Variants in C20orf96 observed in about 807,000 individuals in gnomAD.
C20orf96 encodes chromosome 20 open reading frame 96.
A neutral mutation model predicts 52.6 loss-of-function variants in C20orf96; 57 were observed. That is an observed-to-expected ratio of 1.08 (90% CI 0.88 to 1.35). C20orf96 has a LOEUF of 1.35. C20orf96 is among the 40% of genes most tolerant of loss of function. C20orf96 has a pLI of 0.00. For synonymous variants in C20orf96, 168 were observed against 157.2 expected, an observed-to-expected ratio of 1.07 and a Z score of -0.51; for missense variants, 478 against 443.6, an observed-to-expected ratio of 1.08 and a Z score of -0.70.
rs1461069172 is a variant in C20orf96 at position 274,906 on chromosome 20, G to A, written c.1031+1062C>T. Among the ~76,000 whole-genome samples the A allele has an allele frequency of 4.6e-5, 7 of 151,822 alleles. No individual in the cohort carries two copies. The South Asian group carries it at 1.2e-3, about 27-fold the overall frequency. On this transcript the variant is annotated intron_variant, in intron 10 of 10. Transcript: ENST00000360321. ...ACAATCTCGGCTGACCGCAACCTCC[G>A]CCTTCCAGGTTCAAGCAATTCTCTG...
chr20:271,059 GAGGGAAAGAAAGAGGGAGGA>G lies in C20orf96; in HGVS notation c.*128_*147del. The G allele has an allele frequency of 1.7e-6, 1 of 592,096 alleles. No individual in the cohort carries two copies. Among genetic ancestry groups the G allele is most frequent in the South Asian group, 2.0e-5 (1 of 50,270 alleles). The allele number at this position is 592,096 out of a possible 1,614,324, so 36.7% of individuals were successfully genotyped here. On this transcript the variant is annotated 3_prime_UTR_variant, in exon 11 of 11. Transcript: ENST00000360321. ...GGGGGGAAGAAGGGAGGGAGGGAGGGAGGGAAAGAAAGAGGGAGGAAGGGCAGAGGGAGCAGGGAGACTGT... is the reference window on the plus strand; with the variant it reads ...GGGGGGAAGAAGGGAGGGAGGGAGGGAGGGCAGAGGGAGCAGGGAGACTGT...
At position 270,966 on chromosome 20, in the gene C20orf96, G is replaced by GA. The variant is rs1301134460; in HGVS notation, c.*240dup. On this transcript the variant is annotated 3_prime_UTR_variant, in exon 11 of 11. Coordinates refer to ENST00000360321, the MANE Select transcript of C20orf96 (RefSeq NM_153269.3). The stretch of plus-strand genomic sequence containing the variant: ...AACCAGAAAGAAGGGAAGAAGAGAG[G>GA]AAAAAACCACAGGAAGAAAGAAAGG... The GA allele has an allele frequency of 4.2e-5, 21 of 501,734 alleles. No homozygotes were observed. The highest frequency in any genetic ancestry group is 4.0e-4 in the South Asian group (16 of 39,838). 31.1% of individuals were successfully genotyped at this position (501,734 alleles called of 1,614,324 possible).
At chr20:290,559 T>G (rs772317737) in intron 1 of C20orf96, 32 bp downstream of exon 1, 15 of 1,573,090 alleles carry the variant, frequency 9.5e-6, no homozygotes, top group Non-Finnish European at 9.4e-6. Context: ...CCGCCTTTCT[T>G]CCAATTTTTT....
rs1600193146 is a variant in C20orf96, at chr20:290,269, A to C, written c.59T>G (p.Phe20Cys). ...TCCCCCAAGACTCACCGGAACCTGGAACTCCTGGACTATGGAGTGAGTCCC... is the reference window on the plus strand; with the variant it reads ...TCCCCCAAGACTCACCGGAACCTGGCACTCCTGGACTATGGAGTGAGTCCC... ...HSGTHSIVQE[F>C]QVPDYVPWQQ... Residue 20 changes from phenylalanine to cysteine, a missense_variant, in exon 2 of 11, where the codon TTC becomes TGC. Coordinates refer to ENST00000360321, the MANE Select transcript of C20orf96 (RefSeq NM_153269.3). 4 of 1,612,482 alleles carry C rather than the reference A, an allele frequency of 2.5e-6. No individual in the cohort carries two copies. In the East Asian group the frequency reaches 8.9e-5, roughly 36 times the overall value.
At chr20:283,918 C>T (rs375440589) in intron 4 of C20orf96, 45 bp downstream of exon 4, 78 of 1,355,160 alleles carry the variant, frequency 5.8e-5, no homozygotes, top group African/African-American at 4.3e-4. Context: ...CCATCATCCC[C>T]GTCCCTGTCC....
rs552345070 is a variant in C20orf96 at position 279,077 on chromosome 20, A to C, written c.465+95T>G. 8.4e-4 allele frequency: 373 copies of C among 446,338 alleles called. 6 individuals carry two copies. The highest frequency in any genetic ancestry group is 5.4e-3 in the Middle Eastern group (6 of 1,114). 27.6% of individuals were successfully genotyped at this position (446,338 alleles called of 1,614,324 possible). On this transcript the variant is annotated intron_variant, in intron 5 of 10. Coordinates refer to ENST00000360321, the MANE Select transcript of C20orf96 (RefSeq NM_153269.3). ...GCGGGACGGAGGGAGGGAGGGAGGG[A>C]GGGACGGAGGGCGGGACGGAGGGAC...
rs765819879 is a variant in C20orf96 at position 271,253 on chromosome 20, A to T, written c.1046T>A (p.Met349Lys). ...LLRRPKCTPD[M>K]DVILNIPVEE... ...CACAGGAATGTTGAGGATGACATCC[A>T]TGTCTGGGGTGCACCTGGTGGGAGG... Residue 349 changes from methionine to lysine, a missense_variant, in exon 11 of 11, where the codon ATG becomes AAG. Transcript: ENST00000360321. 5.1e-6 allele frequency: 8 copies of T among 1,555,860 alleles called. No individual in the cohort carries two copies. The African/African-American group carries it at 9.5e-5, about 19-fold the overall frequency.
chr20:279,728 T>C (rs775508621), intron 4 of C20orf96, among the ~76,000 whole-genome samples: 3 of 152,102 alleles, frequency 2.0e-5, no homozygotes, highest in African/African-American at 4.8e-5. Context: ...TCCCAGCACT[T>C]TGGGAGGCCA....
intron 3 of C20orf96, among the ~76,000 whole-genome samples, chr20:285,021 A>C (rs1239375683): frequency 1.3e-5 from 2 of 152,190 alleles, no homozygotes; most frequent in Non-Finnish European, 2.9e-5. Context: ...TGAAGATGAA[A>C]GAAGTTACTA....
intron 4 of C20orf96, 108 bp from the exon 5 acceptor site, chr20:279,438 G>T (rs2012190558): frequency 1.6e-6 from 2 of 1,243,210 alleles, no homozygotes; most frequent in Non-Finnish European, 2.1e-6. Context: ...CCGCCCCCGT[G>T]CGGCCTCCTG....
intron 3 of C20orf96, among the ~76,000 whole-genome samples, chr20:287,135 G>A (rs1342865603): frequency 6.6e-6 from 1 of 152,168 alleles, no homozygotes; most frequent in Non-Finnish European, 1.5e-5. Context: ...TCACATACTG[G>A]CTTTTGTGTG....
intron 3 of C20orf96, among the ~76,000 whole-genome samples, chr20:287,414 A>C (rs1306172281): frequency 6.6e-6 from 1 of 152,230 alleles, no homozygotes; most frequent in Non-Finnish European, 1.5e-5. Flanking sequence ...CCCAATGGCT[A>C]ATGATGTTGA....
Position 275,860 on chromosome 20 carries a change from T to C in C20orf96, c.1031+108A>G, listed in dbSNP as rs571450040. On this transcript the variant is annotated intron_variant, in intron 10 of 10. Coordinates refer to ENST00000360321, the MANE Select transcript of C20orf96 (RefSeq NM_153269.3). ...AAACCCAGGACCGCCCCTCCCTCCC[T>C]GTACAGGGTTCTGCCATCCACACCA... The C allele has an allele frequency of 2.0e-3, 2,085 of 1,037,030 alleles. 3 individuals carry two copies. The highest frequency in any genetic ancestry group is 2.6e-3 in the Non-Finnish European group (1,757 of 665,332). The allele number at this position is 1,037,030 out of a possible 1,614,324, so 64.2% of individuals were successfully genotyped here. A position where few individuals can be genotyped will look rare whatever the true frequency, so the allele number is the denominator to read the frequency against.
At chr20:287,042 A>C (rs1176990464) in intron 3 of C20orf96, among the ~76,000 whole-genome samples, 2 of 152,176 alleles carry the variant, frequency 1.3e-5, no homozygotes, top group Non-Finnish European at 2.9e-5. Flanking sequence ...GATACACCAT[A>C]GGTTGTTTAA....
intron 9 of C20orf96, 103 bp downstream of exon 9, chr20:276,690 C>A: frequency 6.5e-7 from 1 of 1,528,016 alleles, no homozygotes; most frequent in South Asian, 1.2e-5. Context: ...TCAGAGACCT[C>A]CTGAGCGCCA....
intron 3 of C20orf96, among the ~76,000 whole-genome samples, chr20:288,835 T>C (rs1032704763): frequency 3.3e-5 from 5 of 152,200 alleles, no homozygotes; most frequent in Non-Finnish European, 5.9e-5. Context: ...CAAAGAAATA[T>C]TACAAAATAT....
chr20:275,203 C>T (rs1478932888), intron 10 of C20orf96, among the ~76,000 whole-genome samples: 1 of 152,212 alleles, frequency 6.6e-6, no homozygotes. Context: ...GGCTCATTAT[C>T]GACTCATGTC....
Position 277,183 on chromosome 20 carries a change from C to CCTCCCACACAGTCTGGT in C20orf96, c.723+26_724-39dup, listed in dbSNP as rs753333836. ...AGAAGGGTGTTGGTCACCAGTCCTGCCTCCCACACAGTCTGGTGGGAGAGG... is the reference window on the plus strand; with the variant it reads ...AGAAGGGTGTTGGTCACCAGTCCTGCCTCCCACACAGTCTGGTCTCCCACACAGTCTGGTGGGAGAGG... On this transcript the variant is annotated intron_variant, in intron 7 of 10. Transcript: ENST00000360321. 26 of 1,613,182 alleles carry CCTCCCACACAGTCTGGT rather than the reference C, an allele frequency of 1.6e-5. No homozygotes were observed. The South Asian group carries it at 2.9e-4, about 18-fold the overall frequency.
chr20:290,015 G>A (rs2122338746), intron 2 of C20orf96, among the ~76,000 whole-genome samples: 1 of 152,308 alleles, frequency 6.6e-6, no homozygotes, highest in East Asian at 1.9e-4. Flanking sequence ...CAGGAAACCA[G>A]AGCAGCAATC....
Sources: gnomAD v4.1 joint callset for allele counts (sites outside exome capture counted in the v4.1 genomes callset) on GRCh38, gnomAD v4.1.1 for gene constraint, MANE v1.5 for transcripts, NCBI Gene and HGNC (gene_info 2026-07-23, HGNC 2026-07-21) for gene names.